The following SLCO5A1 variants were observed in gnomAD, a reference collection of about 807,000 sequenced individuals.
SLCO5A1 encodes the protein organic anion transporter polypeptide-related protein 4.
A neutral mutation model predicts 65.1 loss-of-function variants in SLCO5A1; 39 were observed. The ratio of observed to expected loss-of-function variants is 0.60; its 90% CI spans 0.46 to 0.78. The LOEUF is 0.78. Among genes scored for constraint, SLCO5A1 ranks in the 30% least tolerant of loss-of-function variants. SLCO5A1 has a pLI of 0.00. For missense variants in SLCO5A1, 1,029 were observed against 1,069.4 expected (o/e 0.96, Z 0.53); for synonymous variants, 438 against 415.7 (o/e 1.05, Z -0.65).
intron 2 of SLCO5A1, among the ~76,000 whole-genome samples, chr8:69,777,033 C>T (rs1402119839): frequency 6.6e-6 from 1 of 152,168 alleles, no homozygotes; most frequent in Non-Finnish European, 1.5e-5. Context: ...ATATACATAT[C>T]ACTTGATTCA....
chr8:69,751,313 A>G (rs1454393645), intron 4 of SLCO5A1, among the ~76,000 whole-genome samples: 1 of 152,190 alleles, frequency 6.6e-6, no homozygotes, highest in East Asian at 1.9e-4. Flanking sequence ...GATGGAATCA[A>G]TGCTAATTTC....
At chr8:69,697,089 A>G (rs560876332) in intron 6 of SLCO5A1, among the ~76,000 whole-genome samples, 6 of 152,346 alleles carry the variant, frequency 3.9e-5, no homozygotes, top group African/African-American at 1.4e-4. Context: ...AAAAAAAGAC[A>G]TATGTTGCAT....
chr8:69,673,810 G>C (rs566661473), intron 9 of SLCO5A1, among the ~76,000 whole-genome samples: 9 of 152,128 alleles, frequency 5.9e-5, no homozygotes, highest in African/African-American at 1.7e-4. Flanking sequence ...GGAAAAGTAC[G>C]AGAAAAGCAG....
At chr8:69,758,626 C>T (rs1030132712) in intron 3 of SLCO5A1, among the ~76,000 whole-genome samples, 1 of 151,808 alleles carries the variant, frequency 6.6e-6, no homozygotes, top group Non-Finnish European at 1.5e-5. Flanking sequence ...AGCAAATAAA[C>T]AAAAAAATAC....
At chr8:69,700,940 T>TAAATCAA (rs942890267) in intron 6 of SLCO5A1, among the ~76,000 whole-genome samples, 1 of 150,788 alleles carries the variant, frequency 6.6e-6, no homozygotes, top group African/African-American at 2.4e-5. Flanking sequence ...AATGAGGGAG[T>TAAATCAA]AAATCAAAAA....
At chr8:69,807,545 ACT>A (rs1820047985) in intron 2 of SLCO5A1, among the ~76,000 whole-genome samples, 2 of 151,644 alleles carry the variant, frequency 1.3e-5, no homozygotes, top group Admixed American at 1.3e-4. Context: ...CTGAAACCAC[ACT>A]CTATTCTCTA....
At chr8:69,813,895 A>T (rs1820308600) in intron 2 of SLCO5A1, among the ~76,000 whole-genome samples, 1 of 152,190 alleles carries the variant, frequency 6.6e-6, no homozygotes, top group African/African-American at 2.4e-5. Flanking sequence ...CAGTGGTTAG[A>T]TCCTCGGCTT....
chr8:69,784,608 T>A (rs1357482531), intron 2 of SLCO5A1, among the ~76,000 whole-genome samples: 1 of 151,648 alleles, frequency 6.6e-6, no homozygotes, highest in Non-Finnish European at 1.5e-5. Flanking sequence ...GCCAACATGG[T>A]GAAACCCCAT....
At chr8:69,703,552 A>T (rs1814841979) in intron 6 of SLCO5A1, among the ~76,000 whole-genome samples, 1 of 152,186 alleles carries the variant, frequency 6.6e-6, no homozygotes, top group Non-Finnish European at 1.5e-5. Context: ...AAAGATTAGG[A>T]ACAACCCACT....
chr8:69,682,066 GT>G, intron 7 of SLCO5A1, 117 bp downstream of exon 7: 1 of 1,082,340 alleles, frequency 9.2e-7, no homozygotes, highest in Non-Finnish European at 1.3e-6. Context: ...TATTTTGTAG[GT>G]TACTTGGAGC....
At chr8:69,676,524 A>T (rs905060524) in intron 9 of SLCO5A1, 85 bp downstream of exon 9, 1 of 1,141,850 alleles carries the variant, frequency 8.8e-7, no homozygotes, top group African/African-American at 1.5e-5. Flanking sequence ...AATAAATGAC[A>T]TGACTTGCCA....
intron 2 of SLCO5A1, among the ~76,000 whole-genome samples, chr8:69,769,091 A>G (rs1818202977): frequency 6.6e-6 from 1 of 152,038 alleles, no homozygotes; most frequent in Admixed American, 6.6e-5. Flanking sequence ...TCTCCAGAAC[A>G]TCCTGTGTAC....
chr8:69,753,971 A>T (rs914370742), intron 4 of SLCO5A1, among the ~76,000 whole-genome samples: 8 of 149,806 alleles, frequency 5.3e-5, no homozygotes, highest in African/African-American at 2.0e-4. Flanking sequence ...AGTGGAGATC[A>T]CACCACTGCA....
intron 4 of SLCO5A1, among the ~76,000 whole-genome samples, chr8:69,740,067 C>T (rs1254477829): frequency 2.0e-5 from 3 of 152,160 alleles, no homozygotes; most frequent in African/African-American, 7.2e-5. Flanking sequence ...ATAAAATAGC[C>T]TTCTAATTTC....
At chr8:69,761,898 G>T in intron 2 of SLCO5A1, 23 bp from the exon 3 acceptor site, 1 of 1,608,870 alleles carries the variant, frequency 6.2e-7, no homozygotes, top group Non-Finnish European at 8.5e-7. Context: ...AAGGGGAAAT[G>T]TGAAATACAG....
intron 4 of SLCO5A1, among the ~76,000 whole-genome samples, chr8:69,742,393 T>A (rs1816823578): frequency 6.6e-6 from 1 of 152,060 alleles, no homozygotes; most frequent in African/African-American, 2.4e-5. Context: ...GAAGGAGAGA[T>A]GATGAAATAA....
chr8:69,819,425 G>A (rs1820544806), intron 2 of SLCO5A1, among the ~76,000 whole-genome samples: 1 of 151,776 alleles, frequency 6.6e-6, no homozygotes, highest in South Asian at 2.1e-4. Flanking sequence ...ATTTATTTCT[G>A]CTTTTATTAG....
Position 69,810,499 on chromosome 8 carries a change from A to G in SLCO5A1, c.907+21268T>C, listed in dbSNP as rs114689555. 9.6e-3 allele frequency among the ~76,000 whole-genome samples: 1,466 copies of G among 152,296 alleles called. 19 individuals carry two copies. Among genetic ancestry groups the G allele is most frequent in the African/African-American group, 0.033 (1,366 of 41,556 alleles). On this transcript the variant is annotated intron_variant, in intron 2 of 9. Transcript: ENST00000260126. ...AGCCAAATTCTAACAAACACTGACC[A>G]CTCAGCAAGTATGTGATATCATGGC...
At chr8:69,710,667 A>G (rs1268237357) in intron 5 of SLCO5A1, among the ~76,000 whole-genome samples, 1 of 152,230 alleles carries the variant, frequency 6.6e-6, no homozygotes, top group African/African-American at 2.4e-5. Context: ...CAGCCTCAGG[A>G]TAACAAATCT....
Sources: allele counts gnomAD v4.1 joint callset (sites outside exome capture counted in the v4.1 genomes callset), GRCh38; gene constraint gnomAD v4.1.1; transcripts MANE v1.5; gene names NCBI Gene and HGNC (gene_info 2026-07-23, HGNC 2026-07-21).